Variants in FGF14 observed in about 807,000 individuals in gnomAD.
The protein encoded by FGF14 is fibroblast growth factor 14.
In FGF14, 5 loss-of-function variants were observed where a neutral mutation model predicts 25.5. The ratio of observed to expected loss-of-function variants is 0.20; its 90% CI spans 0.10 to 0.41. The LOEUF (loss-of-function observed/expected upper bound fraction) is 0.41. Among genes scored for constraint, FGF14 ranks in the 10% least tolerant of loss-of-function variants. The probability of loss-of-function intolerance (pLI) is 1.00; values close to 1 mark genes in which losing one functional copy is unlikely to be tolerated. For missense variants in FGF14, 222 were observed against 320.1 expected (o/e 0.69, Z 2.34); for synonymous variants, 138 against 118.3 (o/e 1.17, Z -1.08).
At chr13:102,046,533 G>A (rs1272295869) in intron 1 of FGF14, among the ~76,000 whole-genome samples, 1 of 152,124 alleles carries the variant, frequency 6.6e-6, no homozygotes, top group East Asian at 1.9e-4. Flanking sequence ...TAAATCTGGG[G>A]TCTTAGTCAT....
intron 1 of FGF14, among the ~76,000 whole-genome samples, chr13:102,378,830 A>G (rs1432028438): frequency 6.6e-6 from 1 of 152,136 alleles, no homozygotes; most frequent in African/African-American, 2.4e-5. Flanking sequence ...GATTTTTAAA[A>G]CAGACGACTA....
chr13:101,779,212 C>T lies in FGF14; in HGVS notation c.409-52402G>A, dbSNP rs76116613. 8.2e-3 allele frequency among the ~76,000 whole-genome samples: 1,247 copies of T among 152,250 alleles called. 24 individuals are homozygous for T. The highest frequency in any genetic ancestry group is 0.028 in the African/African-American group (1,172 of 41,546). On this transcript the variant is annotated intron_variant, in intron 3 of 4. Transcript: ENST00000376143. ...ATCTGCCCTCCCTTGCCTCCTAGTC[C>T]GGAATCACCCCCTTTAGTTATCTCA...
At chr13:102,039,809 G>C (rs919262524) in intron 1 of FGF14, among the ~76,000 whole-genome samples, 4 of 152,176 alleles carry the variant, frequency 2.6e-5, no homozygotes, top group African/African-American at 9.6e-5. Flanking sequence ...AGAAGATGTG[G>C]TACTTTTGGG....
At position 102,357,209 on chromosome 13, in the gene FGF14, G is replaced by A. The variant is rs1406109105; in HGVS notation, c.208+44262C>T. 4.6e-5 allele frequency among the ~76,000 whole-genome samples: 7 copies of A among 151,096 alleles called. No homozygotes were observed. In the South Asian group the frequency reaches 1.0e-3, roughly 23 times the overall value. ...ACAAGGACACCAGGTTGCACACCTC[G>A]AGGGTGTAGGATGTACATTATACAT... On this transcript the variant is annotated intron_variant, in intron 1 of 4. Transcript: ENST00000376131.
intron 1 of FGF14, among the ~76,000 whole-genome samples, chr13:101,914,193 AAATG>A (rs1454463978): frequency 2.0e-5 from 3 of 151,264 alleles, no homozygotes; most frequent in Non-Finnish European, 2.9e-5. Flanking sequence ...AGACTTAATT[AAATG>A]AATAATTATA....
chr13:101,829,993 A>G (rs1329530346), intron 3 of FGF14, among the ~76,000 whole-genome samples: 1 of 152,186 alleles, frequency 6.6e-6, no homozygotes, highest in East Asian at 1.9e-4. Flanking sequence ...GCACTGGGTG[A>G]GAATAGGGAT....
chr13:101,821,756 GT>G (rs2042168220), intron 3 of FGF14, among the ~76,000 whole-genome samples: 1 of 152,168 alleles, frequency 6.6e-6, no homozygotes, highest in Non-Finnish European at 1.5e-5. Flanking sequence ...AATGGTATCA[GT>G]TTGTGGTATT....
chr13:101,712,524 A>G lies in FGF14; in HGVS notation c.*10307T>C, dbSNP rs1297040496. 1 of 152,208 alleles carries G rather than the reference A, an allele frequency of 6.6e-6. No homozygotes were observed. Among genetic ancestry groups the G allele is most frequent in the Admixed American group, 6.5e-5 (1 of 15,280 alleles). The allele number at this position is 152,208 out of a possible 1,614,324, so 9.4% of individuals were successfully genotyped here. On this transcript the variant is annotated 3_prime_UTR_variant, in exon 5 of 5. Transcript: ENST00000376143. Reference sequence around the variant, plus strand: ...TATAAGATATTTCATGAATTGTGACATATATAAAATGATATCCTGGGTGTA... The same window carrying G: ...TATAAGATATTTCATGAATTGTGACGTATATAAAATGATATCCTGGGTGTA...
rs531478321 is a variant in FGF14 at position 102,286,262 on chromosome 13, C to A, written c.208+115209G>T. On this transcript the variant is annotated intron_variant, in intron 1 of 4. Coordinates refer to the FGF14 transcript ENST00000376131. ...ACCAACTTCCCTGACCACGTTCTCCCCCGCCCACCAGTCTGCCCCCTCCCG... is the reference window on the plus strand; with the variant it reads ...ACCAACTTCCCTGACCACGTTCTCCACCGCCCACCAGTCTGCCCCCTCCCG... Among the ~76,000 whole-genome samples, 13 of 151,948 alleles carry A rather than the reference C, an allele frequency of 8.6e-5. No homozygotes were observed. In the East Asian group the frequency reaches 1.4e-3, roughly 16 times the overall value.
chr13:101,858,368 ATTG>A (rs549278234), intron 3 of FGF14, among the ~76,000 whole-genome samples: 39 of 152,062 alleles, frequency 2.6e-4, no homozygotes, highest in Non-Finnish European at 4.6e-4. Flanking sequence ...ATAGCTATTA[ATTG>A]TTGTTTCAAT....
At chr13:101,757,670 C>G (rs932959323) in intron 3 of FGF14, among the ~76,000 whole-genome samples, 1 of 152,158 alleles carries the variant, frequency 6.6e-6, no homozygotes, top group Non-Finnish European at 1.5e-5. Flanking sequence ...GTATTTCAAT[C>G]TCAAACCTCA....
At chr13:102,137,726 C>T (rs1009031128) in intron 1 of FGF14, among the ~76,000 whole-genome samples, 9 of 152,242 alleles carry the variant, frequency 5.9e-5, no homozygotes, top group East Asian at 1.9e-4. Flanking sequence ...AGTCTGATAA[C>T]ACAAACCTTG....
intron 1 of FGF14, among the ~76,000 whole-genome samples, chr13:102,096,512 A>C (rs1329554891): frequency 6.6e-6 from 1 of 152,250 alleles, no homozygotes; most frequent in Non-Finnish European, 1.5e-5. Flanking sequence ...TTCACTGAAA[A>C]CTTAATATGC....
chr13:102,129,226 A>G (rs889358132), intron 1 of FGF14, among the ~76,000 whole-genome samples: 6 of 152,062 alleles, frequency 3.9e-5, no homozygotes, highest in African/African-American at 1.2e-4. Flanking sequence ...CTCCAGCCTG[A>G]GTGACAGAGT....
chr13:102,022,406 G>A (rs1238367913), intron 1 of FGF14, among the ~76,000 whole-genome samples: 1 of 152,106 alleles, frequency 6.6e-6, no homozygotes, highest in Non-Finnish European at 1.5e-5. Flanking sequence ...GGAGTCATAA[G>A]AGCAAGGAAT....
At chr13:102,269,642 G>A (rs962746557) in intron 1 of FGF14, among the ~76,000 whole-genome samples, 2 of 151,912 alleles carry the variant, frequency 1.3e-5, no homozygotes, top group Non-Finnish European at 2.9e-5. Flanking sequence ...TCCTGTCTCC[G>A]CCTCCTGAGT....
intron 3 of FGF14, among the ~76,000 whole-genome samples, chr13:101,852,919 C>T (rs923488318): frequency 7.2e-5 from 11 of 152,062 alleles, no homozygotes; most frequent in Admixed American, 2.0e-4. Context: ...GCAATTGAAG[C>T]AAATTCCACC....
At chr13:101,945,461 A>C (rs74734331) in intron 1 of FGF14, among the ~76,000 whole-genome samples, 3,404 of 152,340 alleles carry the variant, frequency 0.022, 142 homozygotes, top group African/African-American at 0.078. Context: ...ATGAACTGTT[A>C]GAACAGTTAG....
chr13:102,327,835 CA>C (rs1456892155), intron 1 of FGF14, among the ~76,000 whole-genome samples: 1 of 124,686 alleles, frequency 8.0e-6, no homozygotes. Context: ...ACCATGTCTC[CA>C]AAAAAACAGA....
Sources: gnomAD v4.1 joint callset for allele counts (sites outside exome capture counted in the v4.1 genomes callset) on GRCh38, gnomAD v4.1.1 for gene constraint, MANE v1.5 for transcripts, NCBI Gene and HGNC (gene_info 2026-07-23, HGNC 2026-07-21) for gene names.